The following PDS5A variants were observed in gnomAD, a reference collection of about 807,000 sequenced individuals.
PDS5A encodes PDS5 cohesin associated factor A.
A neutral mutation model predicts 167.1 loss-of-function variants in PDS5A; 42 were observed. That is an observed-to-expected ratio of 0.25 (90% CI 0.20 to 0.33). PDS5A has a LOEUF of 0.33. PDS5A is among the 10% of genes least tolerant of loss of function. The probability of loss-of-function intolerance (pLI) is 1.00; values close to 1 mark genes in which losing one functional copy is unlikely to be tolerated. For synonymous variants in PDS5A, 553 were observed against 554.6 expected (o/e 1.00, Z 0.04); for missense variants, 1,033 against 1,605.9 (o/e 0.64, Z 6.10).
intron 13 of PDS5A, among the ~76,000 whole-genome samples, chr4:39,900,839 A>ATACGCTTGGATACATCAAGCGTATACGCT (rs1445275869): frequency 6.6e-6 from 1 of 151,468 alleles, no homozygotes; most frequent in Non-Finnish European, 1.5e-5. Flanking sequence ...ACTGAAAAAC[A>ATACGCTTGGATACATCAAGCGTATACGCT]TGTATACGCT....
At chr4:39,900,404 T>G (rs758979864) in intron 14 of PDS5A, 22 bp downstream of exon 14, 10 of 1,480,958 alleles carry the variant, frequency 6.8e-6, no homozygotes, top group Non-Finnish European at 9.3e-6. Flanking sequence ...AAACTATGAA[T>G]TTAAACAAAT....
intron 16 of PDS5A, among the ~76,000 whole-genome samples, chr4:39,894,853 T>C (rs1157552678): frequency 1.3e-5 from 2 of 152,062 alleles, no homozygotes; most frequent in East Asian, 3.8e-4. Context: ...GCAGGGCCCT[T>C]ATACAGAGAA....
chr4:39,864,096 C>A (rs1382250751), intron 23 of PDS5A, among the ~76,000 whole-genome samples: 1 of 151,714 alleles, frequency 6.6e-6, no homozygotes, highest in African/African-American at 2.4e-5. Flanking sequence ...CACCACTGCA[C>A]TCTACCCTGG....
chr4:39,862,529 G>T (rs1719083980), intron 25 of PDS5A, among the ~76,000 whole-genome samples, 196 bp from the exon 26 acceptor site: 1 of 151,912 alleles, frequency 6.6e-6, no homozygotes, highest in Non-Finnish European at 1.5e-5. Context: ...TTTCACTTTT[G>T]AAAGATACTG....
chr4:39,878,868 G>C (rs553098318), intron 18 of PDS5A, among the ~76,000 whole-genome samples: 2 of 151,752 alleles, frequency 1.3e-5, no homozygotes, highest in Admixed American at 1.3e-4. Flanking sequence ...CTCAGCCTCC[G>C]AAGTAGCTGT....
At chr4:39,887,523 G>GAAAA (rs1382916202) in intron 17 of PDS5A, among the ~76,000 whole-genome samples, 1 of 151,988 alleles carries the variant, frequency 6.6e-6, no homozygotes, top group Non-Finnish European at 1.5e-5. Flanking sequence ...TATTTTTGAG[G>GAAAA]ATTTTTGTAT....
In PDS5A at chr4:39,977,408, C is replaced by T. The variant is rs1311015339; in HGVS notation, c.-41+49G>A. On this transcript the variant is annotated intron_variant, in intron 1 of 32. Transcript: ENST00000303538. This position sits in a 1 kb window ranked among gnomAD's most constrained non-coding sequence, Gnocchi z 4.2. ...CCCCCCTCCAGTCTCCCCTTCCGTC[C>T]CCTCCCTCCAGCAGCCTAGGGCGGG... 1.3e-5 allele frequency: 2 copies of T among 152,630 alleles called. No homozygotes were observed. Among genetic ancestry groups the T allele is most frequent in the Non-Finnish European group, 2.9e-5 (2 of 68,334 alleles). The allele number at this position is 152,630 out of a possible 1,614,324, so 9.5% of individuals were successfully genotyped here.
In PDS5A at chr4:39,894,094, A is replaced by G. The variant is rs578172949; in HGVS notation, c.1771-3730T>C. Among the ~76,000 whole-genome samples the G allele has an allele frequency of 2.0e-5, 3 of 152,342 alleles. No individual in the cohort carries two copies. In the South Asian group the frequency reaches 6.2e-4, roughly 32 times the overall value. On this transcript the variant is annotated intron_variant, in intron 16 of 32. Coordinates refer to ENST00000303538, the MANE Select transcript of PDS5A (RefSeq NM_001100399.2). ...GTCAATGAAACTTTTAAGCGTTTTC[A>G]GCAAATTACTCAGCTCAGAAGTACA...
At chr4:39,927,246 A>G (rs1725558576) in intron 3 of PDS5A, among the ~76,000 whole-genome samples, 1 of 152,162 alleles carries the variant, frequency 6.6e-6, no homozygotes, top group Admixed American at 6.5e-5. Context: ...CCTACAAGTA[A>G]ATAGTAATTT....
At chr4:39,963,230 T>C in intron 2 of PDS5A, among the ~76,000 whole-genome samples, 1 of 151,902 alleles carries the variant, frequency 6.6e-6, no homozygotes, top group East Asian at 1.9e-4. Context: ...CCGAGGCAGT[T>C]GGATCACCTG....
intron 26 of PDS5A, among the ~76,000 whole-genome samples, chr4:39,851,447 T>C (rs1389227529): frequency 6.6e-6 from 1 of 152,124 alleles, no homozygotes; most frequent in Non-Finnish European, 1.5e-5. Flanking sequence ...TACAGGCATG[T>C]GCCACCATGT....
chr4:39,867,932 A>G (rs528305429), intron 22 of PDS5A, among the ~76,000 whole-genome samples: 1 of 152,288 alleles, frequency 6.6e-6, no homozygotes, highest in South Asian at 2.1e-4. Flanking sequence ...GGTAGTCATA[A>G]TTACTTAGAA....
intron 26 of PDS5A, among the ~76,000 whole-genome samples, chr4:39,850,740 T>C (rs2109519180): frequency 6.6e-6 from 1 of 152,368 alleles, no homozygotes. Context: ...TGTCACTGTA[T>C]ATTCATTTAA....
intron 32 of PDS5A, among the ~76,000 whole-genome samples, chr4:39,827,367 T>C (rs1715419305): frequency 6.6e-6 from 1 of 152,158 alleles, no homozygotes; most frequent in South Asian, 2.1e-4. Context: ...GTCCTCTGTA[T>C]TTCTTGGGCT....
At chr4:39,889,379 T>A (rs1363385320) in intron 17 of PDS5A, among the ~76,000 whole-genome samples, 1 of 152,266 alleles carries the variant, frequency 6.6e-6, no homozygotes, top group Non-Finnish European at 1.5e-5. Context: ...TGGGGTATTT[T>A]GTTATGAAAG....
At chr4:39,829,813 T>C (rs1358715586) in intron 32 of PDS5A, among the ~76,000 whole-genome samples, 2 of 150,502 alleles carry the variant, frequency 1.3e-5, no homozygotes, top group Non-Finnish European at 3.0e-5. Context: ...TAGCCGGGCG[T>C]GGTGGTGGGT....
At chr4:39,929,910 T>A (rs1725851117) in intron 2 of PDS5A, among the ~76,000 whole-genome samples, 3 of 137,540 alleles carry the variant, frequency 2.2e-5, no homozygotes, top group Non-Finnish European at 1.6e-5. Flanking sequence ...TATACCTGGC[T>A]AATCAAAAAA....
chr4:39,971,585 G>A (rs1329849999), intron 2 of PDS5A, among the ~76,000 whole-genome samples: 4 of 151,962 alleles, frequency 2.6e-5, no homozygotes, highest in Non-Finnish European at 4.4e-5. Flanking sequence ...TCAGCCACAG[G>A]AGTAGCTGAG....
At chr4:39,834,630 C>T (rs1716225443) in intron 32 of PDS5A, among the ~76,000 whole-genome samples, 1 of 152,186 alleles carries the variant, frequency 6.6e-6, no homozygotes, top group Non-Finnish European at 1.5e-5. Flanking sequence ...AATGGTTAAA[C>T]TCACAGGACC....
Sources: gnomAD v4.1 joint callset for allele counts (sites outside exome capture counted in the v4.1 genomes callset) on GRCh38, gnomAD v4.1.1 for gene constraint, Gnocchi (gnomAD v3.1) non-coding constraint, MANE v1.5 for transcripts, NCBI Gene and HGNC (gene_info 2026-07-23, HGNC 2026-07-21) for gene names.